ZFP64: variants seen among roughly 807,000 people sequenced by gnomAD.
ZFP64 encodes the protein ZFP64 zinc finger protein.
In ZFP64, 14 loss-of-function variants were observed where a neutral mutation model predicts 51.6. The ratio of observed to expected loss-of-function variants is 0.27; its 90% CI spans 0.18 to 0.42. ZFP64 has a LOEUF of 0.42. Among genes scored for constraint, ZFP64 ranks in the 10% least tolerant of loss-of-function variants. The probability of loss-of-function intolerance (pLI) is 1.00; values close to 1 mark genes in which losing one functional copy is unlikely to be tolerated. For missense variants in ZFP64, 754 were observed against 906.8 expected, an observed-to-expected ratio of 0.83 and a Z score of 2.16; for synonymous variants, 375 against 361.4, an observed-to-expected ratio of 1.04 and a Z score of -0.43.
Position 52,176,505 on chromosome 20 carries a change from C to CTTTTTTTTTTTTTTTT in ZFP64, c.286+10326_286+10327insAAAAAAAAAAAAAAAA, listed in dbSNP as rs557663780. 4.1e-3 allele frequency among the ~76,000 whole-genome samples: 558 copies of CTTTTTTTTTTTTTTTT among 136,520 alleles called. 22 individuals are homozygous for CTTTTTTTTTTTTTTTT. The highest frequency in any genetic ancestry group is 0.014 in the African/African-American group (519 of 35,968). The allele number at this position is 136,520 out of a possible 152,430, so 89.6% of individuals were successfully genotyped here. On this transcript the variant is annotated intron_variant, in intron 2 of 5. Coordinates refer to ENST00000216923, the MANE Select transcript of ZFP64 (RefSeq NM_018197.3). ...ATTTCTAGCTTCTGGTTCAATCTCT[C>CTTTTTTTTTTTTTTTT]TTTTTTTTTTTTTTTGAGACGGAGT...
Position 52,157,718 on chromosome 20 carries a change from C to T in ZFP64, c.763+2405G>A, listed in dbSNP as rs184751637. Among the ~76,000 whole-genome samples the T allele has an allele frequency of 2.4e-3, 369 of 152,212 alleles. 2 individuals are homozygous for T. The highest frequency in any genetic ancestry group is 8.4e-3 in the African/African-American group (348 of 41,528). ...TAAGTTCTGGGATACATGTGCAGAA[C>T]GTGCAGGTTTGTTACACAGGTACAC... On this transcript the variant is annotated intron_variant, in intron 5 of 5. Coordinates refer to ENST00000216923, the MANE Select transcript of ZFP64 (RefSeq NM_018197.3).
At chr20:52,105,440 G>A in intron 5 of ZFP64, 2 of 1,145,988 alleles carry the variant, frequency 1.7e-6, no homozygotes, top group East Asian at 3.3e-5. Context: ...CGGACTTGCG[G>A]TCCGCTCCCG....
intron 2 of ZFP64, chr20:52,176,158 A>G (rs1983194741): frequency 6.1e-6 from 1 of 164,400 alleles, no homozygotes; most frequent in Non-Finnish European, 1.3e-5. Context: ...AGTCCCAACT[A>G]TGACCCAGAC....
chr20:52,089,804 C>T (rs978043268), intron 7 of ZFP64, among the ~76,000 whole-genome samples: 1 of 150,956 alleles, frequency 6.6e-6, no homozygotes, highest in Non-Finnish European at 1.5e-5. Flanking sequence ...AATGTTGTGT[C>T]AGTGCAGGTT....
intron 2 of ZFP64, among the ~76,000 whole-genome samples, chr20:52,184,806 A>T (rs1983845615): frequency 6.6e-6 from 1 of 151,752 alleles, no homozygotes; most frequent in Non-Finnish European, 1.5e-5. Context: ...TTTAAAATTT[A>T]ATGTAGAGGT....
At chr20:52,086,452 T>C (rs1468031873) in intron 8 of ZFP64, among the ~76,000 whole-genome samples, 1 of 151,580 alleles carries the variant, frequency 6.6e-6, no homozygotes, top group Admixed American at 6.6e-5. Flanking sequence ...TCATCCACTC[T>C]CATAATTTTG....
rs780955949 is a variant in ZFP64, at chr20:52,160,029, G to A, written c.763+94C>T. On this transcript the variant is annotated intron_variant, in intron 5 of 5. Transcript: ENST00000216923. The surrounding 1 kb of genome is among the most constrained non-coding windows in gnomAD (Gnocchi z 4.2). Reference sequence around the variant, plus strand: ...ACGGGATGAGCAAAGGTTCCAACTCGATTTCTTACATTGTGGCTGAATGCT... The same window carrying A: ...ACGGGATGAGCAAAGGTTCCAACTCAATTTCTTACATTGTGGCTGAATGCT... The A allele has an allele frequency of 2.9e-5, 45 of 1,568,444 alleles. No homozygotes were observed. Among genetic ancestry groups the A allele is most frequent in the Non-Finnish European group, 3.8e-5 (44 of 1,158,046 alleles).
At chr20:52,088,284 G>T in intron 8 of ZFP64, 1 of 1,496,886 alleles carries the variant, frequency 6.7e-7, no homozygotes, top group Non-Finnish European at 9.0e-7. Context: ...CCAAATTCTT[G>T]TACTTCTACC....
intron 5 of ZFP64, among the ~76,000 whole-genome samples, chr20:52,116,934 G>T (rs1471741700): frequency 6.6e-6 from 1 of 152,100 alleles, no homozygotes; most frequent in African/African-American, 2.4e-5. Flanking sequence ...GCTGGGCATG[G>T]TGGTGCAGGC....
intron 5 of ZFP64, among the ~76,000 whole-genome samples, chr20:52,106,834 C>A (rs1978322393): frequency 6.6e-6 from 1 of 152,220 alleles, no homozygotes; most frequent in Non-Finnish European, 1.5e-5. Context: ...CGGTAGCTCA[C>A]TCCTGTAATC....
At chr20:52,131,494 A>G (rs543894231) in intron 5 of ZFP64, among the ~76,000 whole-genome samples, 1 of 152,320 alleles carries the variant, frequency 6.6e-6, no homozygotes, top group East Asian at 1.9e-4. Flanking sequence ...CTTCCCCTAA[A>G]CACACATAGG....
chr20:52,087,931 C>G (rs571869127), intron 8 of ZFP64, among the ~76,000 whole-genome samples: 1 of 151,398 alleles, frequency 6.6e-6, no homozygotes, highest in East Asian at 1.9e-4. Flanking sequence ...ATGAATATCT[C>G]AAACCCCATT....
At chr20:52,095,943 T>C (rs1383418005) in intron 7 of ZFP64, among the ~76,000 whole-genome samples, 1 of 152,210 alleles carries the variant, frequency 6.6e-6, no homozygotes, top group Non-Finnish European at 1.5e-5. Flanking sequence ...TGCCTCGTCT[T>C]TCCTCAAAGG....
chr20:52,153,417 A>C lies in ZFP64; in HGVS notation c.775T>G (p.Phe259Val). 1 of 1,613,562 alleles carries C rather than the reference A, an allele frequency of 6.2e-7. No homozygotes were observed. Among genetic ancestry groups the C allele is most frequent in the Middle Eastern group, 1.7e-4 (1 of 6,060 alleles). Reference protein sequence around the residue: ...HLRSHTGDAPFQCWLCSAKFK... With the variant: ...HLRSHTGDAPVQCWLCSAKFK... ...TTGGCGCTACAGAGCCAGCACTGGAAGGGGGCGTCCCCTGTCAACACAAGG... is the reference window on the plus strand; with the variant it reads ...TTGGCGCTACAGAGCCAGCACTGGACGGGGGCGTCCCCTGTCAACACAAGG... The change falls in exon 6 of 6, where the codon TTC (phenylalanine) becomes GTC (valine). Residue 259 changes from phenylalanine (F) to valine (V), a missense_variant. By Grantham distance (50) the Phe-to-Val change is conservative. This residue lies in a region of ZFP64 where 231 missense variants were observed against 336.7 expected (regional missense o/e 0.69). Coordinates refer to ENST00000216923, the MANE Select transcript of ZFP64 (RefSeq NM_018197.3). This position sits in a 1 kb window ranked among gnomAD's most constrained non-coding sequence, Gnocchi z 5.1.
intron 5 of ZFP64, among the ~76,000 whole-genome samples, chr20:52,113,935 G>C (rs903366960): frequency 6.6e-6 from 1 of 152,040 alleles, no homozygotes; most frequent in African/African-American, 2.4e-5. Context: ...GTAGTGGTGG[G>C]TACCTGATTT....
intron 1 of ZFP64, 81 bp from the exon 2 acceptor site, chr20:52,187,152 A>G: frequency 2.0e-6 from 3 of 1,467,934 alleles, no homozygotes; most frequent in African/African-American, 1.4e-5. Flanking sequence ...TGGTAGGAAG[A>G]AAAGGCATGG....
At chr20:52,121,031 T>C (rs1979165253) in intron 5 of ZFP64, among the ~76,000 whole-genome samples, 1 of 152,186 alleles carries the variant, frequency 6.6e-6, no homozygotes. Context: ...TGCCATGAAC[T>C]GTGCCCATGT....
intron 5 of ZFP64, chr20:52,105,314 A>AC (rs1600711890): frequency 8.8e-6 from 11 of 1,252,130 alleles, no homozygotes; most frequent in South Asian, 3.5e-5. Context: ...TTCGGAAATT[A>AC]CCCCCCTTCG....
At chr20:52,179,287 C>CT (rs1983451707) in intron 2 of ZFP64, among the ~76,000 whole-genome samples, 1 of 152,196 alleles carries the variant, frequency 6.6e-6, no homozygotes, top group South Asian at 2.1e-4. Flanking sequence ...AAACCTCTTT[C>CT]TTTTGTAAAC....
Sources: allele counts gnomAD v4.1 joint callset (sites outside exome capture counted in the v4.1 genomes callset), GRCh38; gene constraint gnomAD v4.1.1; regional missense constraint gnomAD v4.1.1; non-coding constraint Gnocchi (gnomAD v3.1); transcripts MANE v1.5; gene names NCBI Gene and HGNC (gene_info 2026-07-23, HGNC 2026-07-21).